DNM3: variants seen among roughly 807,000 people sequenced by gnomAD.
DNM3 encodes dynamin-3.
In DNM3, 47 loss-of-function variants were observed where a neutral mutation model predicts 101.6. The observed-to-expected ratio is 0.46, with a 90% CI of 0.37 to 0.59. DNM3 has a LOEUF of 0.59. Among genes scored for constraint, DNM3 ranks in the 20% least tolerant of loss-of-function variants. The pLI, the probability that DNM3 is intolerant of heterozygous loss-of-function variation, is 0.00. For synonymous variants in DNM3, 385 were observed against 387.9 expected (o/e 0.99, Z 0.09); for missense variants, 849 against 1,085.7 (o/e 0.78, Z 3.06).
intron 14 of DNM3, chr1:172,139,474 C>T (rs2057447429): frequency 6.5e-6 from 1 of 153,260 alleles, no homozygotes; most frequent in Admixed American, 6.5e-5. Flanking sequence ...TAGGATCCTA[C>T]AAGGGAATAT....
downstream of DNM3, among the ~76,000 whole-genome samples, chr1:172,417,635 C>T (rs1025409243): frequency 6.6e-6 from 1 of 152,194 alleles, no homozygotes; most frequent in Non-Finnish European, 1.5e-5. Context: ...GACCTTGCCT[C>T]CTAGTTTCCC....
intron 14 of DNM3, among the ~76,000 whole-genome samples, chr1:172,161,570 G>A (rs905648000): frequency 6.6e-6 from 1 of 152,042 alleles, no homozygotes; most frequent in African/African-American, 2.4e-5. Context: ...TTTTAAGAGA[G>A]ATATGAAAAA....
At chr1:172,080,992 A>T (rs879457948) in intron 11 of DNM3, among the ~76,000 whole-genome samples, 1 of 152,128 alleles carries the variant, frequency 6.6e-6, no homozygotes. Flanking sequence ...TGAGCCAGGT[A>T]CCACAGTTGG....
At chr1:172,242,929 C>A (rs1293683487) in intron 14 of DNM3, among the ~76,000 whole-genome samples, 1 of 152,112 alleles carries the variant, frequency 6.6e-6, no homozygotes. Flanking sequence ...GTCAACAAAT[C>A]CTCCTTTGTC....
chr1:172,395,172 A>C (rs1200242822), intron 20 of DNM3, among the ~76,000 whole-genome samples: 1 of 107,948 alleles, frequency 9.3e-6, no homozygotes, highest in Non-Finnish European at 1.8e-5. Context: ...GATCAGAAGC[A>C]ATTTTTTTTT....
chr1:172,264,803 C>T (rs2062797299), intron 15 of DNM3, among the ~76,000 whole-genome samples: 1 of 152,102 alleles, frequency 6.6e-6, no homozygotes, highest in South Asian at 2.1e-4. Context: ...CAGTTAAATG[C>T]CTTCCTAATG....
At chr1:172,291,200 T>C (rs567467555) in intron 15 of DNM3, among the ~76,000 whole-genome samples, 1 of 152,148 alleles carries the variant, frequency 6.6e-6, no homozygotes, top group Non-Finnish European at 1.5e-5. Context: ...TAAAGGCAAA[T>C]AGAAATGGGG....
At chr1:172,270,932 A>G (rs147001987) in intron 15 of DNM3, among the ~76,000 whole-genome samples, 10 of 152,276 alleles carry the variant, frequency 6.6e-5, no homozygotes, top group Non-Finnish European at 1.3e-4. Context: ...TGTTAAATCC[A>G]CACCTCACTG....
chr1:171,979,080 G>A (rs2044591525), intron 2 of DNM3, among the ~76,000 whole-genome samples: 2 of 152,080 alleles, frequency 1.3e-5, no homozygotes, highest in South Asian at 4.2e-4. Context: ...CCAATATTTA[G>A]AAGTGTAGAA....
intron 14 of DNM3, among the ~76,000 whole-genome samples, chr1:172,173,666 G>T (rs539515858): frequency 6.6e-6 from 1 of 151,676 alleles, no homozygotes; most frequent in East Asian, 1.9e-4. Flanking sequence ...TTCAAGGAAT[G>T]ATTTCAGGGT....
intron 17 of DNM3, among the ~76,000 whole-genome samples, chr1:172,355,334 TAA>T (rs2067396375): frequency 6.6e-6 from 1 of 151,820 alleles, no homozygotes; most frequent in South Asian, 2.1e-4. Context: ...TTTAAAGAAA[TAA>T]AAGAGCAAAT....
At chr1:172,152,206 A>G (rs982967456) in intron 14 of DNM3, among the ~76,000 whole-genome samples, 5 of 151,794 alleles carry the variant, frequency 3.3e-5, no homozygotes, top group African/African-American at 1.2e-4. Context: ...TGAATTTGCC[A>G]GAAGTAATTG....
intron 2 of DNM3, among the ~76,000 whole-genome samples, chr1:171,924,837 T>A (rs760850654): frequency 2.0e-5 from 3 of 152,220 alleles, no homozygotes; most frequent in Non-Finnish European, 4.4e-5. Flanking sequence ...TGTTTTCTTA[T>A]GTTTGTTGGC....
chr1:172,091,182 G>A (rs1335431480), intron 12 of DNM3, among the ~76,000 whole-genome samples: 5 of 152,080 alleles, frequency 3.3e-5, no homozygotes, highest in Admixed American at 6.6e-5. Flanking sequence ...GCTTTTCATC[G>A]AACAGATATT....
At chr1:172,227,271 G>GAGATATATATATATATATATAT (rs1553200054) in intron 14 of DNM3, among the ~76,000 whole-genome samples, 1 of 77,996 alleles carries the variant, frequency 1.3e-5, no homozygotes, top group African/African-American at 4.7e-5. Flanking sequence ...AGTATTTTGT[G>GAGATATATATATATATATATAT]ATATATATAT....
chr1:172,381,895 T>C lies in DNM3; in HGVS notation c.2058+2713T>C, dbSNP rs896112706. ...TAAAACACGGTCCTCTATTTCTTCC[T>C]GGTCTATCAAAAGCGGTGTTCTGGC... On this transcript the variant is annotated intron_variant, in intron 18 of 20. Transcript: ENST00000627582. Among the ~76,000 whole-genome samples the C allele has an allele frequency of 2.6e-5, 4 of 152,156 alleles. No individual in the cohort carries two copies. The East Asian group carries it at 7.7e-4, about 29-fold the overall frequency.
intron 1 of DNM3, among the ~76,000 whole-genome samples, chr1:171,877,019 C>A (rs1451520432): frequency 6.6e-6 from 1 of 152,120 alleles, no homozygotes; most frequent in Non-Finnish European, 1.5e-5. Flanking sequence ...TTTTTTTCAT[C>A]TGTGGGCCCA....
At chr1:172,093,412 GTC>G (rs2054044408) in intron 13 of DNM3, among the ~76,000 whole-genome samples, 1 of 152,204 alleles carries the variant, frequency 6.6e-6, no homozygotes, top group African/African-American at 2.4e-5. Context: ...CTGACCAGCT[GTC>G]TCTGACTAAT....
At chr1:171,848,522 G>A (rs1039176676) in intron 1 of DNM3, among the ~76,000 whole-genome samples, 1 of 152,184 alleles carries the variant, frequency 6.6e-6, no homozygotes, top group Non-Finnish European at 1.5e-5. Context: ...ATATGCCTGA[G>A]ATGGTCATCA....
Sources: allele counts gnomAD v4.1 joint callset (sites outside exome capture counted in the v4.1 genomes callset), GRCh38; gene constraint gnomAD v4.1.1; transcripts MANE v1.5; gene names NCBI Gene and HGNC (gene_info 2026-07-23, HGNC 2026-07-21).